MCCC1: variants seen among roughly 807,000 people sequenced by gnomAD.
The protein encoded by MCCC1 is methylcrotonyl-CoA carboxylase subunit 1, also known as methylcrotonoyl-CoA carboxylase subunit alpha, mitochondrial.
MCCC1 carries 64 observed loss-of-function variants against 83.8 expected under a neutral mutation model. That is an observed-to-expected ratio of 0.76 (90% CI 0.62 to 0.94). MCCC1 has a LOEUF of 0.94. Ranked by LOEUF, MCCC1 falls within the 40% of genes least tolerant of loss-of-function variation. The pLI is 0.00. For missense variants in MCCC1, 807 were observed against 904.7 expected (o/e 0.89, Z 1.39); for synonymous variants, 322 against 315.4 (o/e 1.02, Z -0.22).
intron 14 of MCCC1, among the ~76,000 whole-genome samples, chr3:183,028,438 C>G (rs577592481): frequency 2.0e-5 from 3 of 152,292 alleles, no homozygotes; most frequent in East Asian, 1.9e-4. Flanking sequence ...GGAGTAATTT[C>G]AACTTTCAAG....
chr3:183,070,747 A>T (rs1243078603), intron 7 of MCCC1, among the ~76,000 whole-genome samples: 2 of 151,908 alleles, frequency 1.3e-5, no homozygotes, highest in East Asian at 3.9e-4. Flanking sequence ...AAAAAAAAAA[A>T]ATTCTATTCA....
intron 1 of MCCC1, among the ~76,000 whole-genome samples, chr3:183,109,610 T>C (rs1209614028): frequency 6.6e-6 from 1 of 152,238 alleles, no homozygotes; most frequent in East Asian, 1.9e-4. Context: ...GGTTGTGTAG[T>C]ATTCCATAGT....
intron 13 of MCCC1, among the ~76,000 whole-genome samples, chr3:183,035,504 A>ATTTTTTT: frequency 7.1e-6 from 1 of 140,420 alleles, no homozygotes; most frequent in Non-Finnish European, 1.5e-5. Flanking sequence ...TGAATTTCAG[A>ATTTTTTT]TTTTTTTTTT....
intron 4 of MCCC1, among the ~76,000 whole-genome samples, chr3:183,078,163 G>A (rs1230802747): frequency 6.6e-6 from 1 of 152,116 alleles, no homozygotes; most frequent in African/African-American, 2.4e-5. Context: ...AGGATTACAG[G>A]CACCTGTCAC....
chr3:183,019,706 G>A (rs1013695233), intron 17 of MCCC1, among the ~76,000 whole-genome samples: 13 of 152,158 alleles, frequency 8.5e-5, no homozygotes, highest in Admixed American at 2.0e-4. Flanking sequence ...ACACCAAACC[G>A]TACTGTTCTT....
At chr3:183,045,991 T>G (rs1714529780) in intron 9 of MCCC1, among the ~76,000 whole-genome samples, 1 of 152,230 alleles carries the variant, frequency 6.6e-6, no homozygotes, top group African/African-American at 2.4e-5. Flanking sequence ...AAAGATTGTT[T>G]GGCAACTAAA....
rs1461386071 is a variant in MCCC1 at position 183,112,680 on chromosome 3, T to C, written c.-102+2794A>G. Among the ~76,000 whole-genome samples, 3 of 152,222 alleles carry C rather than the reference T, an allele frequency of 2.0e-5. No homozygotes were observed. The East Asian group carries it at 5.8e-4, about 29-fold the overall frequency. On this transcript the variant is annotated intron_variant, in intron 1 of 17. Transcript: ENST00000492597. ...TTTCTGAGGCAAATTTCAACCATCA[T>C]TTAATTTCATCCATAAATATTTCAG...
chr3:183,024,985 C>T (rs973463273), intron 15 of MCCC1, among the ~76,000 whole-genome samples: 6 of 150,724 alleles, frequency 4.0e-5, no homozygotes, highest in African/African-American at 1.5e-4. Context: ...AGGAAATTCT[C>T]ACATATGCTA....
intron 1 of MCCC1, among the ~76,000 whole-genome samples, chr3:183,113,421 G>C (rs1022252805): frequency 3.0e-5 from 4 of 134,218 alleles, no homozygotes; most frequent in East Asian, 4.9e-4. Flanking sequence ...GTTGTGGGGT[G>C]GGGGGAGGGG....
chr3:183,092,163 C>T (rs1373523161), intron 3 of MCCC1, among the ~76,000 whole-genome samples: 1 of 152,178 alleles, frequency 6.6e-6, no homozygotes, highest in African/African-American at 2.4e-5. Context: ...TTCTGTGAAC[C>T]GTTTTAACCA....
intron 14 of MCCC1, among the ~76,000 whole-genome samples, chr3:183,028,805 T>A (rs1362146379): frequency 6.6e-6 from 1 of 152,196 alleles, no homozygotes; most frequent in African/African-American, 2.4e-5. Flanking sequence ...GCAGCAAACC[T>A]CCTTGGTATC....
rs573656861 is a variant in MCCC1 at position 183,020,844 on chromosome 3, G to A, written c.1870-607C>T. ...GGAGGCCAAGGTGGGCAGATCACGA[G>A]GTCAGGGGATCAAAACCATCCTGGC... On this transcript the variant is annotated intron_variant, in intron 16 of 18. Transcript: ENST00000265594. 6.6e-4 allele frequency among the ~76,000 whole-genome samples: 101 copies of A among 152,108 alleles called. 1 individual carries two copies. Among genetic ancestry groups the A allele is most frequent in the Non-Finnish European group, 6.2e-4 (42 of 68,016 alleles).
intron 9 of MCCC1, among the ~76,000 whole-genome samples, chr3:183,046,950 C>T (rs1714602108): frequency 6.6e-6 from 1 of 152,166 alleles, no homozygotes; most frequent in African/African-American, 2.4e-5. Flanking sequence ...GTGTGGACAA[C>T]TCTGAGAGTT....
At chr3:183,104,597 C>A (rs1372354384) in intron 1 of MCCC1, among the ~76,000 whole-genome samples, 2 of 152,050 alleles carry the variant, frequency 1.3e-5, no homozygotes, top group African/African-American at 4.8e-5. Context: ...GGGCTACTTT[C>A]CTTAATATAT....
chr3:183,074,615 C>T (rs953308835), intron 4 of MCCC1, among the ~76,000 whole-genome samples: 1 of 152,182 alleles, frequency 6.6e-6, no homozygotes, highest in Admixed American at 6.6e-5. Flanking sequence ...GAAAAACCCA[C>T]ATCCTAGTGA....
At chr3:183,088,477 G>A (rs1461500293) in intron 3 of MCCC1, among the ~76,000 whole-genome samples, 1 of 152,136 alleles carries the variant, frequency 6.6e-6, no homozygotes, top group Non-Finnish European at 1.5e-5. Context: ...AAAGTGCTGG[G>A]ATTACAGGCG....
intron 7 of MCCC1, among the ~76,000 whole-genome samples, chr3:183,067,369 T>C (rs1417657979): frequency 6.6e-6 from 1 of 152,254 alleles, no homozygotes; most frequent in Non-Finnish European, 1.5e-5. Flanking sequence ...ACATTCCTTA[T>C]GGAAGAGTTA....
At chr3:183,072,567 C>T (rs1716776348) in intron 4 of MCCC1, 80 bp from the exon 5 acceptor site, 2 of 1,523,838 alleles carry the variant, frequency 1.3e-6, no homozygotes, top group Non-Finnish European at 1.8e-6. Context: ...AGCTGTCTTC[C>T]TCTGGGAGGC....
intron 7 of MCCC1, among the ~76,000 whole-genome samples, chr3:183,060,624 T>C (rs1335221514): frequency 6.6e-6 from 1 of 151,542 alleles, no homozygotes; most frequent in Non-Finnish European, 1.5e-5. Context: ...GTGCACAACG[T>C]GCAGGTTTGT....
Sources: allele counts gnomAD v4.1 joint callset (sites outside exome capture counted in the v4.1 genomes callset), GRCh38; gene constraint gnomAD v4.1.1; transcripts MANE v1.5; gene names NCBI Gene and HGNC (gene_info 2026-07-23, HGNC 2026-07-21).